The following DNAJB6 variants were observed in gnomAD, a reference collection of about 807,000 sequenced individuals.
DNAJB6 encodes dnaJ homolog subfamily B member 6.
Under a neutral mutation model 42.7 loss-of-function variants are expected in DNAJB6, and 16 were observed. The ratio of observed to expected loss-of-function variants is 0.37; its 90% CI spans 0.25 to 0.57. DNAJB6 has a LOEUF of 0.57. Among genes scored for constraint, DNAJB6 ranks in the 20% least tolerant of loss-of-function variants. The pLI, the probability that DNAJB6 is intolerant of heterozygous loss-of-function variation, is 0.74. For synonymous variants in DNAJB6, 170 were observed against 163.5 expected (o/e 1.04, Z -0.30); for missense variants, 347 against 416.8 (o/e 0.83, Z 1.46).
intron 1 of DNAJB6, among the ~76,000 whole-genome samples, chr7:157,343,782 C>G (rs1798541808): frequency 6.6e-6 from 1 of 152,068 alleles, no homozygotes. Context: ...AAGTCCTAAA[C>G]TTAGAGGTCA....
chr7:157,345,591 GT>G (rs1798643612), intron 1 of DNAJB6, among the ~76,000 whole-genome samples: 1 of 152,140 alleles, frequency 6.6e-6, no homozygotes, highest in African/African-American at 2.4e-5. Flanking sequence ...TTTCACTCCT[GT>G]GTCTTTGCTG....
intron 8 of DNAJB6, among the ~76,000 whole-genome samples, chr7:157,391,627 G>C (rs1275652089): frequency 6.6e-6 from 1 of 152,116 alleles, no homozygotes; most frequent in East Asian, 1.9e-4. Context: ...CATGGCGGAT[G>C]CCTGGTGGCA....
chr7:157,388,695 ATGT>A (rs1192205206), intron 8 of DNAJB6, among the ~76,000 whole-genome samples: 1 of 151,562 alleles, frequency 6.6e-6, no homozygotes, highest in Non-Finnish European at 1.5e-5. Flanking sequence ...GAATTCTGAG[ATGT>A]TAGTGCTGCT....
At chr7:157,400,134 T>A (rs1801779045) in intron 8 of DNAJB6, among the ~76,000 whole-genome samples, 1 of 146,642 alleles carries the variant, frequency 6.8e-6, no homozygotes, top group Non-Finnish European at 1.5e-5. Context: ...ATACAGTTGG[T>A]TTTGCCTTTT....
intron 8 of DNAJB6, among the ~76,000 whole-genome samples, chr7:157,394,272 A>G (rs1337196641): frequency 2.0e-5 from 3 of 152,264 alleles, no homozygotes; most frequent in African/African-American, 7.2e-5. Context: ...AGGAAGGGTT[A>G]AGAAACAGCA....
intron 5 of DNAJB6, among the ~76,000 whole-genome samples, chr7:157,377,897 G>T (rs189886127): frequency 1.3e-5 from 2 of 152,242 alleles, no homozygotes; most frequent in African/African-American, 4.8e-5. Flanking sequence ...CACCTAACAC[G>T]ATCCACTATC....
intron 3 of DNAJB6, 31 bp downstream of exon 3, chr7:157,363,301 G>A: frequency 6.7e-7 from 1 of 1,487,020 alleles, no homozygotes; most frequent in South Asian, 1.2e-5. Context: ...GAAGGACCCT[G>A]AGCGGGCATG....
intron 2 of DNAJB6, among the ~76,000 whole-genome samples, chr7:157,359,520 T>C (rs1166470658): frequency 6.6e-6 from 1 of 152,172 alleles, no homozygotes; most frequent in East Asian, 1.9e-4. Flanking sequence ...GCTGAGATAG[T>C]TCATTTTAAA....
intron 5 of DNAJB6, among the ~76,000 whole-genome samples, chr7:157,376,003 C>T (rs545884439): frequency 3.7e-4 from 56 of 152,274 alleles, no homozygotes; most frequent in African/African-American, 1.3e-3. Flanking sequence ...ATCATGACAG[C>T]AGGCCTCTCC....
chr7:157,366,299 A>AT (rs929782326), intron 3 of DNAJB6, among the ~76,000 whole-genome samples: 2 of 152,118 alleles, frequency 1.3e-5, no homozygotes, highest in South Asian at 4.1e-4. Flanking sequence ...AACATACTGA[A>AT]TTTTTTTTGA....
At chr7:157,351,620 G>A (rs1264391936) in intron 1 of DNAJB6, among the ~76,000 whole-genome samples, 1 of 149,292 alleles carries the variant, frequency 6.7e-6, no homozygotes, top group African/African-American at 2.5e-5. Context: ...GTGACATAGT[G>A]AGACTCTGTC....
At chr7:157,340,993 T>C (rs370228381) in intron 1 of DNAJB6, among the ~76,000 whole-genome samples, 12,919 of 83,432 alleles carry the variant, frequency 0.15, 675 homozygotes, top group East Asian at 0.35. Context: ...TGTGTGTGTG[T>C]GTGTGCGCGC....
At chr7:157,351,354 C>T (rs1798961904) in intron 1 of DNAJB6, among the ~76,000 whole-genome samples, 1 of 152,008 alleles carries the variant, frequency 6.6e-6, no homozygotes, top group Non-Finnish European at 1.5e-5. Context: ...GTGGGCCGGG[C>T]ACGGTGGCTC....
At chr7:157,345,469 C>A (rs1230522346) in intron 1 of DNAJB6, among the ~76,000 whole-genome samples, 2 of 151,914 alleles carry the variant, frequency 1.3e-5, no homozygotes, top group African/African-American at 2.4e-5. Flanking sequence ...CATGTGCCAC[C>A]CCACTCAGCT....
intron 5 of DNAJB6, chr7:157,372,191 TTAG>T (rs1230381829): frequency 6.5e-6 from 1 of 152,676 alleles, no homozygotes; most frequent in African/African-American, 2.4e-5. Flanking sequence ...TAGTGAGGAG[TTAG>T]TAGAGCTGCC....
intron 9 of DNAJB6, chr7:157,413,102 G>A (rs1796021342): frequency 6.6e-6 from 1 of 152,282 alleles, no homozygotes; most frequent in Non-Finnish European, 1.5e-5. Context: ...TTGCTGCTGT[G>A]TGGAGTCCTC....
intron 1 of DNAJB6, among the ~76,000 whole-genome samples, chr7:157,358,327 T>TC (rs1168032702): frequency 3.9e-5 from 6 of 152,160 alleles, no homozygotes; most frequent in Non-Finnish European, 8.8e-5. Flanking sequence ...AGAGCTTTTT[T>TC]CCCCGTCTCT....
intron 1 of DNAJB6, among the ~76,000 whole-genome samples, chr7:157,342,649 G>T (rs1798462647): frequency 6.6e-6 from 1 of 152,072 alleles, no homozygotes; most frequent in South Asian, 2.1e-4. Flanking sequence ...TAGAGATAGG[G>T]TTTCACCATG....
chr7:157,407,914 C>T (rs977756306), intron 8 of DNAJB6, among the ~76,000 whole-genome samples: 3 of 152,190 alleles, frequency 2.0e-5, no homozygotes, highest in Non-Finnish European at 4.4e-5. Context: ...GGTCGGGCGC[C>T]CTGGCATGTT....
Sources: allele counts gnomAD v4.1 joint callset (sites outside exome capture counted in the v4.1 genomes callset), GRCh38; gene constraint gnomAD v4.1.1; transcripts MANE v1.5; gene names NCBI Gene and HGNC (gene_info 2026-07-23, HGNC 2026-07-21).